Variants in LYRM4 observed in about 807,000 individuals in gnomAD.
LYRM4 encodes LYR motif containing 4, also known as LYR motif-containing protein 4.
A neutral mutation model predicts 11.7 loss-of-function variants in LYRM4; 9 were observed. That is an observed-to-expected ratio of 0.77 (90% CI 0.46 to 1.34). LYRM4 has a LOEUF of 1.34. Ranked by LOEUF, LYRM4 falls within the 40% of genes most tolerant of loss-of-function variation. The probability of loss-of-function intolerance (pLI) is 0.00; values close to 1 mark genes in which losing one functional copy is unlikely to be tolerated. For missense variants in LYRM4, 133 were observed against 112.5 expected (o/e 1.18, Z -0.82); for synonymous variants, 42 against 40.4 (o/e 1.04, Z -0.15).
rs138126364 is a variant in LYRM4 at position 5,241,341 on chromosome 6, A to G, written c.86+19307T>C. Among the ~76,000 whole-genome samples, 5 of 152,356 alleles carry G rather than the reference A, an allele frequency of 3.3e-5. No individual in the cohort carries two copies. In the East Asian group the frequency reaches 9.6e-4, roughly 29 times the overall value. On this transcript the variant is annotated intron_variant, in intron 1 of 2. Transcript: ENST00000330636. The stretch of plus-strand genomic sequence containing the variant: ...ATTCAATCAATGTTAATTCACTCTG[A>G]AGCTACCTTTTCTTCTCAGTCTACC...
chr6:5,192,079 A>G (rs753816056), intron 2 of LYRM4, among the ~76,000 whole-genome samples: 5 of 152,194 alleles, frequency 3.3e-5, no homozygotes, highest in Non-Finnish European at 7.3e-5. Flanking sequence ...GTTATAAAAG[A>G]TATTATAGGA....
chr6:5,063,456 T>C, the LYRM4 span, among the ~76,000 whole-genome samples: 4 of 152,160 alleles, frequency 2.6e-5, no homozygotes, highest in South Asian at 6.2e-4. Context: ...CCTATCCTCC[T>C]GGTCTCCTTC....
intron 1 of LYRM4, among the ~76,000 whole-genome samples, chr6:5,244,642 G>A (rs563663120): frequency 6.6e-6 from 1 of 152,260 alleles, no homozygotes; most frequent in Admixed American, 6.5e-5. Flanking sequence ...TTCTGACCTA[G>A]CTTGGGATAG....
At chr6:5,187,498 C>T (rs867379551) in intron 2 of LYRM4, among the ~76,000 whole-genome samples, 1 of 152,078 alleles carries the variant, frequency 6.6e-6, no homozygotes, top group African/African-American at 2.4e-5. Flanking sequence ...CAAACTATCA[C>T]AATGACAGAA....
intron 1 of LYRM4, among the ~76,000 whole-genome samples, chr6:5,225,691 C>T (rs944412410): frequency 1.1e-4 from 16 of 152,180 alleles, no homozygotes; most frequent in Non-Finnish European, 1.6e-4. Flanking sequence ...AGTAGCATCA[C>T]GTGCATGTCT....
chr6:5,047,332 T>G, the LYRM4 span, among the ~76,000 whole-genome samples: 3 of 152,228 alleles, frequency 2.0e-5, no homozygotes, highest in African/African-American at 7.2e-5. Flanking sequence ...CCAGGAAATA[T>G]CTATCAGTCT....
At chr6:5,241,086 G>C (rs1323517821) in intron 1 of LYRM4, among the ~76,000 whole-genome samples, 17 of 152,140 alleles carry the variant, frequency 1.1e-4, no homozygotes, top group Admixed American at 1.1e-3. Flanking sequence ...TTGCAAAATG[G>C]GGGAAATTAA....
intron 1 of LYRM4, among the ~76,000 whole-genome samples, chr6:5,233,512 T>G (rs1763364591): frequency 6.6e-6 from 1 of 152,188 alleles, no homozygotes. Flanking sequence ...CTGTGGGAAA[T>G]GCTGATCTGC....
the LYRM4 span, chr6:5,085,566 G>C: frequency 1.9e-6 from 3 of 1,542,958 alleles, no homozygotes; most frequent in Non-Finnish European, 2.6e-6. Context: ...CCGAGGAGCT[G>C]CCCGCCCCGG....
intron 2 of LYRM4, among the ~76,000 whole-genome samples, chr6:5,148,518 G>GGGGC (rs1321881105): frequency 3.7e-5 from 2 of 54,368 alleles, no homozygotes; most frequent in Non-Finnish European, 7.7e-5. Flanking sequence ...AGCTGGGCTG[G>GGGGC]GTATACGCCT....
intron 1 of LYRM4, among the ~76,000 whole-genome samples, chr6:5,222,147 A>G (rs1222211763): frequency 6.6e-6 from 1 of 152,216 alleles, no homozygotes; most frequent in African/African-American, 2.4e-5. Flanking sequence ...CCCACATAGC[A>G]GGAACTTTAA....
chr6:5,260,592 C>A (rs1436456398), intron 1 of LYRM4, 56 bp downstream of exon 1: 3 of 1,198,558 alleles, frequency 2.5e-6, no homozygotes, highest in South Asian at 1.3e-5. Context: ...CAGCCCGCAC[C>A]CCCGGTCCCC....
chr6:5,209,642 A>C (rs1472238739), intron 2 of LYRM4, among the ~76,000 whole-genome samples: 2 of 152,228 alleles, frequency 1.3e-5, no homozygotes, highest in Admixed American at 6.5e-5. Flanking sequence ...CAAGGCCGGA[A>C]GGACCTCATA....
chr6:5,037,278 T>C, the LYRM4 span, among the ~76,000 whole-genome samples: 154 of 20,626 alleles, frequency 7.5e-3, 15 homozygotes, highest in African/African-American at 0.02. Flanking sequence ...TTAATCCATT[T>C]AACCCTGAGT....
At chr6:5,154,445 G>A (rs969087386) in intron 2 of LYRM4, among the ~76,000 whole-genome samples, 1 of 117,224 alleles carries the variant, frequency 8.5e-6, no homozygotes, top group Non-Finnish European at 1.9e-5. Context: ...ACAGAGAGTG[G>A]CATGCAGTAT....
chr6:5,173,931 A>G (rs1245611135), intron 2 of LYRM4, among the ~76,000 whole-genome samples: 2 of 152,192 alleles, frequency 1.3e-5, no homozygotes, highest in Non-Finnish European at 2.9e-5. Flanking sequence ...GTGGTATGAA[A>G]AGATCTGTGA....
At chr6:5,063,570 C>G in the LYRM4 span, among the ~76,000 whole-genome samples, 1 of 152,184 alleles carries the variant, frequency 6.6e-6, no homozygotes, top group Non-Finnish European at 1.5e-5. Flanking sequence ...GAAGAAGCTC[C>G]CGATCCCTGG....
intron 2 of LYRM4, among the ~76,000 whole-genome samples, chr6:5,126,716 G>A (rs1763714744): frequency 6.6e-6 from 1 of 152,186 alleles, no homozygotes; most frequent in Non-Finnish European, 1.5e-5. Context: ...CTAAGTGATA[G>A]AAGCCAAACA....
intron 2 of LYRM4, among the ~76,000 whole-genome samples, chr6:5,121,537 A>G (rs1763458701): frequency 6.6e-6 from 1 of 152,214 alleles, no homozygotes; most frequent in Admixed American, 6.5e-5. Context: ...GCAGCATTGC[A>G]CAACAGAGGA....
Sources: allele counts gnomAD v4.1 joint callset (sites outside exome capture counted in the v4.1 genomes callset), GRCh38; gene constraint gnomAD v4.1.1; transcripts MANE v1.5; gene names NCBI Gene and HGNC (gene_info 2026-07-23, HGNC 2026-07-21).